The following ACIN1 variants were observed in gnomAD, a reference collection of about 807,000 sequenced individuals.
ACIN1 encodes apoptotic chromatin condensation inducer in the nucleus.
A neutral mutation model predicts 146.6 loss-of-function variants in ACIN1; 16 were observed. The observed-to-expected ratio is 0.11, with a 90% CI of 0.07 to 0.17. The LOEUF is 0.17. Among genes scored for constraint, ACIN1 ranks in the 10% least tolerant of loss-of-function variants. The pLI is 1.00. For synonymous variants in ACIN1, 569 were observed against 582.7 expected (o/e 0.98, Z 0.34); for missense variants, 1,357 against 1,609.3 (o/e 0.84, Z 2.68).
At chr14:23,063,299 A>T in intron 13 of ACIN1, 137 bp downstream of exon 13, 1 of 1,245,434 alleles carries the variant, frequency 8.0e-7, no homozygotes, top group South Asian at 1.6e-5. Flanking sequence ...TAGCTTACTT[A>T]ATATGTAGGA....
At chr14:23,089,718 A>G (rs1420127137) in intron 4 of ACIN1, among the ~76,000 whole-genome samples, 1 of 152,270 alleles carries the variant, frequency 6.6e-6, no homozygotes, top group Non-Finnish European at 1.5e-5. Context: ...CTGTTGCCAA[A>G]TTCAGAGGTA....
At chr14:23,059,888 C>G (rs2047217577) in intron 18 of ACIN1, among the ~76,000 whole-genome samples, 1 of 151,622 alleles carries the variant, frequency 6.6e-6, no homozygotes, top group Admixed American at 6.6e-5. Flanking sequence ...ATCTCCTGAC[C>G]TCGTGATCCG....
chr14:23,061,966 T>C lies in ACIN1; in HGVS notation c.3099+202A>G, dbSNP rs1373782484. ...TCCAGCCTGGGAGACAGCGAGACTC[T>C]GTCTCAAAAAAAAAAAAAAAAAAAA... On this transcript the variant is annotated intron_variant, in intron 16 of 18. Transcript: ENST00000605057. Among the ~76,000 whole-genome samples, 10 of 97,966 alleles carry C rather than the reference T, an allele frequency of 1.0e-4. No homozygotes were observed. In the East Asian group the frequency reaches 1.6e-3, roughly 16 times the overall value. 64.3% of individuals were successfully genotyped at this position (97,966 alleles called of 152,430 possible). A position where few individuals can be genotyped will look rare whatever the true frequency, so the allele number is the denominator to read the frequency against.
intron 13 of ACIN1, 116 bp downstream of exon 13, chr14:23,063,320 A>G: frequency 2.2e-6 from 3 of 1,352,104 alleles, no homozygotes; most frequent in Non-Finnish European, 3.0e-6. Context: ...GAAAGATATG[A>G]TATACGAAAA....
At position 23,059,192 on chromosome 14, in the gene ACIN1, G is replaced by A; in HGVS notation, c.3808C>T (p.Arg1270Trp). The A allele has an allele frequency of 6.2e-7, 1 of 1,613,944 alleles. No individual in the cohort carries two copies. The highest frequency in any genetic ancestry group is 8.5e-7 in the Non-Finnish European group (1 of 1,179,994). The change falls in exon 19 of 19, where the codon CGG (arginine) becomes TGG (tryptophan). Residue 1270 changes from arginine (R) to tryptophan (W), a missense_variant. This residue lies in a region of ACIN1 where 509 missense variants were observed against 719.6 expected (regional missense o/e 0.71). Coordinates refer to ENST00000605057, the MANE Select transcript of ACIN1 (RefSeq NM_001386863.1). ...TCCCGCACAGGTGTGCTCCGACTCC[G>A]GCTTCTGCTGTGGCGCTTGGTGTCC... is the stretch of plus-strand genomic sequence containing the variant. ...RRDTKRHSRS[R>W]SRSTPVRDRG...
At chr14:23,062,096 G>T in intron 16 of ACIN1, 72 bp downstream of exon 16, 3 of 1,270,462 alleles carry the variant, frequency 2.4e-6, no homozygotes, top group Non-Finnish European at 2.3e-6. Context: ...GTCTGGCAAG[G>T]ATCTCAGCTG....
At chr14:23,065,402 A>G (rs560110242) in intron 10 of ACIN1, among the ~76,000 whole-genome samples, 28 of 152,332 alleles carry the variant, frequency 1.8e-4, no homozygotes, top group African/African-American at 5.3e-4. Flanking sequence ...CCTGTCCAAC[A>G]TGGGGAAACC....
rs778313122 is a variant in ACIN1, at chr14:23,059,256, C to T, written c.3744G>A (p.Arg1248=). 1.9e-6 allele frequency: 3 copies of T among 1,612,838 alleles called. No homozygotes were observed. The highest frequency in any genetic ancestry group is 2.7e-5 in the African/African-American group (2 of 74,846). Residue 1248 remains arginine (R), a synonymous_variant, in exon 19 of 19, where the codon AGG becomes AGA. Transcript: ENST00000605057. The part of the protein sequence containing the change: ...ERDRGDRDRD[R]ERDRERGRER... ...CCCTGCCTCGTTCTCGGTCCCTTTC[C>T]CTATCCCGATCTCGGTCCCCCCTGT...
intron 4 of ACIN1, among the ~76,000 whole-genome samples, chr14:23,088,676 T>A (rs559270477): frequency 6.6e-6 from 1 of 152,352 alleles, no homozygotes; most frequent in East Asian, 1.9e-4. Context: ...TCAAAATACT[T>A]GTTAAGTTAC....
intron 8 of ACIN1, chr14:23,076,395 C>T (rs565233635): frequency 2.0e-4 from 30 of 152,302 alleles, no homozygotes; most frequent in African/African-American, 6.7e-4. Context: ...CAAGATGCCA[C>T]TTGCCTATCA....
At chr14:23,089,588 T>C (rs1402253426) in intron 4 of ACIN1, among the ~76,000 whole-genome samples, 5 of 152,200 alleles carry the variant, frequency 3.3e-5, no homozygotes, top group Non-Finnish European at 7.4e-5. Context: ...GTGCCTGGTA[T>C]ACAACAAGTA....
chr14:23,071,095 A>G (rs1267935159), intron 8 of ACIN1: 1 of 1,547,610 alleles, frequency 6.5e-7, no homozygotes, highest in African/African-American at 1.4e-5. Context: ...CGGCGGGGAA[A>G]AGGCATACAT....
chr14:23,064,772 C>T, intron 10 of ACIN1: 2 of 307,414 alleles, frequency 6.5e-6, no homozygotes, highest in Non-Finnish European at 1.2e-5. Context: ...TGGTGCATGC[C>T]TGTAATCCCA....
chr14:23,078,680 G>C (rs2047863162), intron 7 of ACIN1, 140 bp downstream of exon 7: 4 of 938,192 alleles, frequency 4.3e-6, no homozygotes, highest in Non-Finnish European at 6.2e-6. Context: ...CTGGAAATGA[G>C]TTAAGCAGGA....
At chr14:23,069,408 G>C (rs2047558717) in intron 9 of ACIN1, 68 bp downstream of exon 9, 1 of 1,565,092 alleles carries the variant, frequency 6.4e-7, no homozygotes, top group Non-Finnish European at 8.6e-7. Flanking sequence ...GGGATCACTA[G>C]AGTGCTCTAC....
rs1566758696 is a variant in ACIN1, at chr14:23,090,066, G to A, written c.352C>T (p.Pro118Ser). 5 of 1,614,018 alleles carry A rather than the reference G, an allele frequency of 3.1e-6. No individual in the cohort carries two copies. Among genetic ancestry groups the A allele is most frequent in the Non-Finnish European group, 4.2e-6 (5 of 1,179,982 alleles). ...SAESEDEMIH[P>S]EGVASLLPPD... ...GGCAGCAGGGAAGCCACTCCCTCAGGATGGATCATCTCGTCCTCCGACTCA... is the reference window on the plus strand; with the variant it reads ...GGCAGCAGGGAAGCCACTCCCTCAGAATGGATCATCTCGTCCTCCGACTCA... Residue 118 changes from proline (P) to serine (S), a missense_variant, in exon 4 of 19, where the codon CCT becomes TCT. By Grantham distance (74) the Pro-to-Ser change is moderately conservative. Transcript: ENST00000605057.
intron 4 of ACIN1, among the ~76,000 whole-genome samples, chr14:23,087,327 G>A (rs767349253): frequency 6.6e-6 from 1 of 152,054 alleles, no homozygotes; most frequent in African/African-American, 2.4e-5. Context: ...TCTTATCTAA[G>A]CCAAGATCAG....
upstream of ACIN1, chr14:23,095,154 T>C: frequency 6.2e-7 from 1 of 1,614,242 alleles, no homozygotes; most frequent in East Asian, 2.2e-5. Context: ...GCTTCGGGCA[T>C]CTTCGGTAAT....
At chr14:23,066,030 G>GA (rs752710025) in intron 9 of ACIN1, 22 bp from the exon 10 acceptor site, 44 of 1,605,488 alleles carry the variant, frequency 2.7e-5, no homozygotes, top group Non-Finnish European at 3.4e-5. Flanking sequence ...AGAAAAAGGG[G>GA]AAAAAAAAGA....
Sources: gnomAD v4.1 joint callset for allele counts (sites outside exome capture counted in the v4.1 genomes callset) on GRCh38, gnomAD v4.1.1 for gene constraint, gnomAD v4.1.1 regional missense constraint, MANE v1.5 for transcripts, NCBI Gene and HGNC (gene_info 2026-07-23, HGNC 2026-07-21) for gene names.